NALCN: variants seen among roughly 807,000 people sequenced by gnomAD.
The protein encoded by NALCN is sodium leak channel, non-selective.
NALCN carries 111 observed loss-of-function variants against 225.3 expected under a neutral mutation model. That is an observed-to-expected ratio of 0.49 (90% CI 0.42 to 0.58). The LOEUF (loss-of-function observed/expected upper bound fraction) is 0.58, where lower values mean the gene tolerates loss of function less well. NALCN is among the 20% of genes least tolerant of loss of function. NALCN has a pLI of 0.00. For missense variants in NALCN, 1,378 were observed against 2,202.4 expected (o/e 0.63, Z 7.49); for synonymous variants, 764 against 769.0 (o/e 0.99, Z 0.11).
chr13:101,330,053 A>AAT (rs1025047768), intron 7 of NALCN, among the ~76,000 whole-genome samples: 20 of 149,362 alleles, frequency 1.3e-4, no homozygotes, highest in Middle Eastern at 3.6e-3. Context: ...AATTATATAT[A>AAT]ATATATATAT....
chr13:101,276,062 C>CAAAAAAAAA (rs59471123), intron 10 of NALCN, among the ~76,000 whole-genome samples: 7 of 84,314 alleles, frequency 8.3e-5, no homozygotes, highest in African/African-American at 2.7e-4. Context: ...GACTCCTTCT[C>CAAAAAAAAA]AAAAAAAAAA....
At chr13:101,116,848 G>A in intron 18 of NALCN, 1 of 438,260 alleles carries the variant, frequency 2.3e-6, no homozygotes, top group Middle Eastern at 3.4e-4. Flanking sequence ...GTCTTTCAGT[G>A]GTAATTATGT....
chr13:101,194,249 G>GA (rs949990368), intron 13 of NALCN, among the ~76,000 whole-genome samples: 4 of 151,294 alleles, frequency 2.6e-5, no homozygotes, highest in African/African-American at 7.3e-5. Flanking sequence ...AGTCTCGGGA[G>GA]AAAAAAAAAT....
At chr13:101,131,550 T>C (rs2036521113) in intron 17 of NALCN, among the ~76,000 whole-genome samples, 1 of 152,162 alleles carries the variant, frequency 6.6e-6, no homozygotes, top group African/African-American at 2.4e-5. Flanking sequence ...GGATCTGCTT[T>C]TATCCTTATC....
At chr13:101,404,224 G>A (rs2047555788) in intron 1 of NALCN, among the ~76,000 whole-genome samples, 1 of 152,064 alleles carries the variant, frequency 6.6e-6, no homozygotes, top group Non-Finnish European at 1.5e-5. Context: ...TACCTCCCTA[G>A]GCAAGGAATA....
intron 7 of NALCN, among the ~76,000 whole-genome samples, chr13:101,296,165 G>A (rs992192756): frequency 2.6e-5 from 4 of 152,090 alleles, no homozygotes; most frequent in Non-Finnish European, 5.9e-5. Context: ...TCGTCATACT[G>A]AATTCTCTAC....
At chr13:101,397,066 T>TTATATATATATA (rs368771604) in intron 2 of NALCN, among the ~76,000 whole-genome samples, 11 of 56,376 alleles carry the variant, frequency 2.0e-4, no homozygotes, top group Non-Finnish European at 3.5e-4. Context: ...TATGAATGTA[T>TTATATATATATA]TATATATATA....
At chr13:101,380,478 T>C (rs1290164519) in intron 3 of NALCN, among the ~76,000 whole-genome samples, 1 of 152,200 alleles carries the variant, frequency 6.6e-6, no homozygotes, top group Non-Finnish European at 1.5e-5. Flanking sequence ...GAAAAGCCTT[T>C]GCTTTTTTAG....
At chr13:101,229,257 T>C (rs1594482933) in intron 13 of NALCN, 136 bp downstream of exon 13, 1 of 856,224 alleles carries the variant, frequency 1.2e-6, no homozygotes, top group Non-Finnish European at 1.7e-6. Context: ...ATTTTAAATA[T>C]TAAAATCTAA....
chr13:101,106,390 A>C (rs2035101857), intron 22 of NALCN, among the ~76,000 whole-genome samples: 1 of 152,214 alleles, frequency 6.6e-6, no homozygotes, highest in African/African-American at 2.4e-5. Context: ...CTACTAATTA[A>C]TAACAAAGAA....
chr13:101,165,594 T>C (rs2038399925), intron 15 of NALCN, among the ~76,000 whole-genome samples: 1 of 152,170 alleles, frequency 6.6e-6, no homozygotes, highest in Non-Finnish European at 1.5e-5. Context: ...CTTGGCCACC[T>C]ACGTAGCTGT....
At chr13:101,348,088 A>T (rs1033425977) in intron 6 of NALCN, among the ~76,000 whole-genome samples, 17 of 152,130 alleles carry the variant, frequency 1.1e-4, no homozygotes, top group African/African-American at 3.6e-4. Flanking sequence ...TCAAAATTAC[A>T]TATATTTTTA....
intron 13 of NALCN, among the ~76,000 whole-genome samples, chr13:101,213,648 C>T (rs1249634760): frequency 6.6e-6 from 1 of 152,190 alleles, no homozygotes; most frequent in Non-Finnish European, 1.5e-5. Flanking sequence ...TGAACAGACA[C>T]TTCTCAAAAG....
At chr13:101,198,338 A>G (rs1230950397) in intron 13 of NALCN, among the ~76,000 whole-genome samples, 1 of 152,216 alleles carries the variant, frequency 6.6e-6, no homozygotes, top group East Asian at 1.9e-4. Context: ...AGAAACTACC[A>G]TCAGAGTGAA....
chr13:101,317,535 A>G (rs1022109060), intron 7 of NALCN, among the ~76,000 whole-genome samples: 2 of 152,166 alleles, frequency 1.3e-5, no homozygotes, highest in African/African-American at 2.4e-5. Context: ...TTAATTTCCT[A>G]TTGTACTGCT....
At chr13:101,204,612 A>C (rs1410376314) in intron 13 of NALCN, among the ~76,000 whole-genome samples, 1 of 152,190 alleles carries the variant, frequency 6.6e-6, no homozygotes, top group South Asian at 2.1e-4. Context: ...CTACACTTAA[A>C]TATAATTTCA....
intron 34 of NALCN, among the ~76,000 whole-genome samples, chr13:101,080,918 T>C (rs928916052): frequency 6.6e-6 from 1 of 152,068 alleles, no homozygotes; most frequent in Admixed American, 6.6e-5. Context: ...AGTACACCCA[T>C]AGCTGCAGAT....
intron 42 of NALCN, 74 bp downstream of exon 42, chr13:101,059,744 C>A (rs1015478330): frequency 4.2e-5 from 58 of 1,370,962 alleles, no homozygotes; most frequent in Middle Eastern, 2.4e-4. Flanking sequence ...TGACCAGCAC[C>A]CATTTTATTT....
At chr13:101,067,132 G>A (rs1404212670) in intron 39 of NALCN, among the ~76,000 whole-genome samples, 2 of 151,348 alleles carry the variant, frequency 1.3e-5, no homozygotes, top group African/African-American at 2.4e-5. Flanking sequence ...CTGAGTGTTT[G>A]CTTGGATGAG....
Sources: gnomAD v4.1 joint callset for allele counts (sites outside exome capture counted in the v4.1 genomes callset) on GRCh38, gnomAD v4.1.1 for gene constraint, MANE v1.5 for transcripts, NCBI Gene and HGNC (gene_info 2026-07-23, HGNC 2026-07-21) for gene names.